TMEM178B: variants seen among roughly 807,000 people sequenced by gnomAD.
TMEM178B encodes the protein transmembrane protein 178B.
In TMEM178B, 5 loss-of-function variants were observed where a neutral mutation model predicts 31.0. That is an observed-to-expected ratio of 0.16 (90% confidence interval 0.08 to 0.34). TMEM178B has a LOEUF of 0.34. Among genes scored for constraint, TMEM178B ranks in the 10% least tolerant of loss-of-function variants. The pLI, the probability that TMEM178B is intolerant of heterozygous loss-of-function variation, is 1.00. For missense variants in TMEM178B, 275 were observed against 400.3 expected (o/e 0.69, Z 2.67); for synonymous variants, 164 against 164.0 (o/e 1.00, Z 0.00).
chr7:141,510,596 A>G, the TMEM178B span, among the ~76,000 whole-genome samples: 1 of 144,234 alleles, frequency 6.9e-6, no homozygotes, highest in African/African-American at 2.5e-5. Context: ...GAGGCAGGAG[A>G]ATCCCTTGAA....
rs184921647 is a variant in TMEM178B, at chr7:141,224,413, T to C, written c.496+11709T>C. The stretch of plus-strand genomic sequence containing the variant: ...AGTTATAGACTCTTGATTACAAGCA[T>C]TCATACATTAGAAACAAAACTTTAT... On this transcript the variant is annotated intron_variant, in intron 2 of 3. Transcript: ENST00000565468. Among the ~76,000 whole-genome samples the C allele has an allele frequency of 5.1e-3, 773 of 152,298 alleles. 29 individuals carry two copies. Among genetic ancestry groups the C allele is most frequent in the Admixed American group, 0.047 (713 of 15,302 alleles).
the TMEM178B span, among the ~76,000 whole-genome samples, chr7:141,492,815 G>A: frequency 3.3e-5 from 5 of 152,116 alleles, no homozygotes; most frequent in African/African-American, 1.2e-4. Context: ...CCCAGTGAGA[G>A]GTGGCCCATT....
chr7:141,356,973 A>G (rs755086123), intron 2 of TMEM178B, among the ~76,000 whole-genome samples: 1 of 152,142 alleles, frequency 6.6e-6, no homozygotes, highest in Non-Finnish European at 1.5e-5. Flanking sequence ...AATGCCCATT[A>G]TGTAATTATG....
At chr7:141,251,186 C>T (rs1166903372) in intron 2 of TMEM178B, among the ~76,000 whole-genome samples, 1 of 151,948 alleles carries the variant, frequency 6.6e-6, no homozygotes. Context: ...ATGGGTCTCT[C>T]AATCCCTAAG....
At chr7:141,087,887 T>G (rs1794814350) in intron 1 of TMEM178B, among the ~76,000 whole-genome samples, 2 of 152,222 alleles carry the variant, frequency 1.3e-5, no homozygotes, top group African/African-American at 4.8e-5. Context: ...CAGTTTATAC[T>G]GCTTTGAAAA....
At chr7:141,390,250 G>C (rs1800510733) in intron 2 of TMEM178B, among the ~76,000 whole-genome samples, 1 of 152,108 alleles carries the variant, frequency 6.6e-6, no homozygotes, top group Non-Finnish European at 1.5e-5. Flanking sequence ...GGCTTTGGGG[G>C]CCACACCCTC....
chr7:141,116,564 C>G (rs972753368), intron 1 of TMEM178B, among the ~76,000 whole-genome samples: 12 of 151,392 alleles, frequency 7.9e-5, no homozygotes, highest in Non-Finnish European at 1.6e-4. Flanking sequence ...ATGTGCAGAA[C>G]GTGAGGGTTT....
chr7:141,091,003 G>A (rs1214736489), intron 1 of TMEM178B, among the ~76,000 whole-genome samples: 2 of 152,160 alleles, frequency 1.3e-5, no homozygotes, highest in Non-Finnish European at 2.9e-5. Context: ...TTTGCTTTTA[G>A]CAGATAAATA....
At chr7:141,298,078 G>T (rs1798665235) in intron 2 of TMEM178B, among the ~76,000 whole-genome samples, 1 of 152,220 alleles carries the variant, frequency 6.6e-6, no homozygotes, top group East Asian at 1.9e-4. Context: ...ATCTCATTGT[G>T]GTTTTGATTT....
chr7:141,090,674 C>T (rs1242961333), intron 1 of TMEM178B, among the ~76,000 whole-genome samples: 1 of 152,204 alleles, frequency 6.6e-6, no homozygotes, highest in Non-Finnish European at 1.5e-5. Context: ...CTCTGATTCT[C>T]TGATGTATCT....
chr7:141,333,304 C>T (rs1348417097), intron 2 of TMEM178B, among the ~76,000 whole-genome samples: 2 of 152,254 alleles, frequency 1.3e-5, no homozygotes, highest in African/African-American at 4.8e-5. Context: ...TCCCCAGCAT[C>T]AGCCCTTTGT....
At chr7:141,302,288 C>T (rs998969184) in intron 2 of TMEM178B, among the ~76,000 whole-genome samples, 2 of 152,192 alleles carry the variant, frequency 1.3e-5, no homozygotes, top group East Asian at 1.9e-4. Flanking sequence ...CATGCTCCAA[C>T]ATGGATGAAC....
At chr7:141,207,321 T>A (rs992891993) in intron 1 of TMEM178B, among the ~76,000 whole-genome samples, 2 of 152,164 alleles carry the variant, frequency 1.3e-5, no homozygotes, top group East Asian at 3.8e-4. Flanking sequence ...TGCCCAGGAG[T>A]AAGATTGCTG....
intron 1 of TMEM178B, among the ~76,000 whole-genome samples, chr7:141,076,936 T>G (rs2129170333): frequency 6.6e-6 from 1 of 152,322 alleles, no homozygotes; most frequent in South Asian, 2.1e-4. Context: ...ATGCCAGCCT[T>G]ACAAATCTTG....
At chr7:141,220,760 G>A (rs994476011) in intron 2 of TMEM178B, among the ~76,000 whole-genome samples, 2 of 152,226 alleles carry the variant, frequency 1.3e-5, no homozygotes, top group African/African-American at 4.8e-5. Flanking sequence ...TTCTGGCTGA[G>A]CGCACTGATA....
chr7:141,228,692 G>T (rs1279915926), intron 2 of TMEM178B, among the ~76,000 whole-genome samples: 1 of 152,162 alleles, frequency 6.6e-6, no homozygotes, highest in African/African-American at 2.4e-5. Flanking sequence ...ACCAGCTAGG[G>T]GTGACCAATG....
intron 2 of TMEM178B, among the ~76,000 whole-genome samples, chr7:141,368,269 A>G (rs1800047627): frequency 1.3e-5 from 2 of 152,186 alleles, no homozygotes; most frequent in African/African-American, 4.8e-5. Context: ...CAGTGAGCCA[A>G]GATTGTGCCA....
Position 141,092,593 on chromosome 7 carries a change from C to T in TMEM178B, c.382+17901C>T, listed in dbSNP as rs144709783. Among the ~76,000 whole-genome samples the T allele has an allele frequency of 1.2e-3, 185 of 152,190 alleles. 1 individual carries two copies. The highest frequency in any genetic ancestry group is 4.2e-3 in the African/African-American group (175 of 41,492). On this transcript the variant is annotated intron_variant, in intron 1 of 3. Coordinates refer to ENST00000565468, the MANE Select transcript of TMEM178B (RefSeq NM_001195278.2). Reference sequence around the variant, plus strand: ...AAATATTTGATGAATACTTACATGTCATAATTTGTACAGGGGGCTTAGGAT... The same window carrying T: ...AAATATTTGATGAATACTTACATGTTATAATTTGTACAGGGGGCTTAGGAT...
chr7:141,421,263 AT>A (rs34036934), intron 2 of TMEM178B, among the ~76,000 whole-genome samples: 1 of 152,182 alleles, frequency 6.6e-6, no homozygotes, highest in Non-Finnish European at 1.5e-5. Context: ...GAATTTAAAG[AT>A]TTTTTGGGGG....
Sources: gnomAD v4.1 joint callset for allele counts (sites outside exome capture counted in the v4.1 genomes callset) on GRCh38, gnomAD v4.1.1 for gene constraint, MANE v1.5 for transcripts, NCBI Gene and HGNC (gene_info 2026-07-23, HGNC 2026-07-21) for gene names.